The following DLGAP2 variants were observed in gnomAD, a reference collection of about 807,000 sequenced individuals.
DLGAP2 encodes the protein DLG associated protein 2.
DLGAP2 carries 26 observed loss-of-function variants against 100.3 expected under a neutral mutation model. The ratio of observed to expected loss-of-function variants is 0.26; its 90% CI spans 0.19 to 0.36. The LOEUF (loss-of-function observed/expected upper bound fraction) is 0.36. DLGAP2 is among the 10% of genes least tolerant of loss of function. The pLI, the probability that DLGAP2 is intolerant of heterozygous loss-of-function variation, is 1.00. For missense variants in DLGAP2, 1,858 were observed against 1,453.2 expected, an observed-to-expected ratio of 1.28 and a Z score of -4.53; for synonymous variants, 886 against 630.1, an observed-to-expected ratio of 1.41 and a Z score of -6.08.
intron 1 of DLGAP2, among the ~76,000 whole-genome samples, chr8:794,341 A>G (rs530342934): frequency 6.6e-6 from 1 of 152,172 alleles, no homozygotes; most frequent in Non-Finnish European, 1.5e-5. Context: ...ACACAGAAAT[A>G]TAGAGGTGTG....
In DLGAP2 at chr8:989,036, A is replaced by G. The variant is rs531413700; in HGVS notation, c.73+81070A>G. ...TCCCTGGACCTTGTCTCTGCTGTCG[A>G]GGGCTCTCCAGGTTGGCCAGGAGAC... On this transcript the variant is annotated intron_variant, in intron 2 of 14. Transcript: ENST00000637795. Among the ~76,000 whole-genome samples, 5 of 152,148 alleles carry G rather than the reference A, an allele frequency of 3.3e-5. No homozygotes were observed. In the South Asian group the frequency reaches 1.0e-3, roughly 32 times the overall value.
At chr8:1,174,833 C>G (rs890762729) in intron 2 of DLGAP2, among the ~76,000 whole-genome samples, 2 of 152,096 alleles carry the variant, frequency 1.3e-5, no homozygotes, top group Non-Finnish European at 2.9e-5. Context: ...ACTATAGCAG[C>G]TGAGTTCTGT....
intron 3 of DLGAP2, among the ~76,000 whole-genome samples, chr8:1,468,214 G>A (rs1301673911): frequency 1.3e-5 from 2 of 152,146 alleles, no homozygotes; most frequent in Non-Finnish European, 2.9e-5. Context: ...GGCTGGCCCT[G>A]TGTCCTCTGC....
intron 1 of DLGAP2, among the ~76,000 whole-genome samples, chr8:867,045 G>A (rs927082161): frequency 2.0e-5 from 3 of 152,186 alleles, no homozygotes; most frequent in African/African-American, 7.2e-5. Context: ...GGTTTCCGCC[G>A]TTCTGTGCTG....
chr8:1,211,090 GT>G (rs1798094172), intron 2 of DLGAP2, among the ~76,000 whole-genome samples: 1 of 152,250 alleles, frequency 6.6e-6, no homozygotes, highest in Non-Finnish European at 1.5e-5. Flanking sequence ...AGGATGAGCT[GT>G]GGTTTGAGGA....
At chr8:1,130,829 A>C (rs1421727383) in intron 2 of DLGAP2, among the ~76,000 whole-genome samples, 3 of 140,448 alleles carry the variant, frequency 2.1e-5, no homozygotes, top group Non-Finnish European at 3.2e-5. Context: ...GAGAGACCGG[A>C]GATGGGCCTC....
At chr8:1,370,113 C>T (rs1227616141) in intron 3 of DLGAP2, among the ~76,000 whole-genome samples, 5 of 152,120 alleles carry the variant, frequency 3.3e-5, no homozygotes, top group Non-Finnish European at 4.4e-5. Context: ...CACAGGTCTT[C>T]GGATATTTAT....
intron 3 of DLGAP2, among the ~76,000 whole-genome samples, chr8:1,274,630 T>C (rs1173482299): frequency 6.6e-6 from 1 of 151,418 alleles, no homozygotes; most frequent in Non-Finnish European, 1.5e-5. Flanking sequence ...TGGATTTGTT[T>C]TAGAACATAA....
rs188760015 is a variant in DLGAP2, at chr8:1,192,927, G to C, written c.74-65924G>C. ...TATGAGTGAGAACATGCGGTGTTTG[G>C]TTTTTTGTCCTTGTGATAGTTTGCT... On this transcript the variant is annotated intron_variant, in intron 2 of 14. Coordinates refer to ENST00000637795, the MANE Select transcript of DLGAP2 (RefSeq NM_001346810.2). Among the ~76,000 whole-genome samples the C allele has an allele frequency of 2.0e-4, 31 of 152,032 alleles. No individual in the cohort carries two copies. The East Asian group carries it at 2.3e-3, about 11-fold the overall frequency.
intron 3 of DLGAP2, chr8:1,368,681 T>C (rs912151305): frequency 5.3e-5 from 8 of 152,240 alleles, no homozygotes; most frequent in African/African-American, 1.9e-4. Context: ...TTTTTATTTT[T>C]GGCATAAAGC....
chr8:1,510,074 A>T (rs1800107138), intron 4 of DLGAP2, among the ~76,000 whole-genome samples: 1 of 152,246 alleles, frequency 6.6e-6, no homozygotes, highest in Admixed American at 6.5e-5. Context: ...GTAATTTTAG[A>T]TTCTGAAGAG....
At chr8:1,350,484 CGCGCGG>C (rs1801691040) in intron 3 of DLGAP2, among the ~76,000 whole-genome samples, 1 of 93,836 alleles carries the variant, frequency 1.1e-5, no homozygotes, top group African/African-American at 4.5e-5. Context: ...GTGGAAAGGC[CGCGCGG>C]GTCCTGACTG....
At chr8:1,549,871 AT>A (rs1486014186) in intron 5 of DLGAP2, among the ~76,000 whole-genome samples, 188 bp downstream of exon 5, 2 of 152,166 alleles carry the variant, frequency 1.3e-5, no homozygotes, top group Non-Finnish European at 2.9e-5. Context: ...TACATACGTA[AT>A]TTTTTTGGTG....
intron 1 of DLGAP2, among the ~76,000 whole-genome samples, chr8:858,512 GTGCTGTCACCGTGGGCACGTGTAA>G (rs1797325237): frequency 6.7e-6 from 1 of 149,380 alleles, no homozygotes; most frequent in African/African-American, 2.5e-5. Flanking sequence ...CACATGTGTG[GTGCTGTCACCGTGGGCACGTGTAA>G]TGCTGTCACC....
chr8:1,287,247 G>T (rs1799944990), intron 3 of DLGAP2, among the ~76,000 whole-genome samples: 1 of 124,874 alleles, frequency 8.0e-6, no homozygotes, highest in Admixed American at 9.0e-5. Flanking sequence ...GTTAGGAGGG[G>T]AACTAGTTTT....
At chr8:1,599,290 G>C (rs543392257) in intron 6 of DLGAP2, among the ~76,000 whole-genome samples, 1 of 152,276 alleles carries the variant, frequency 6.6e-6, no homozygotes, top group South Asian at 2.1e-4. Context: ...CAATTATGTG[G>C]TCAGTTTTGG....
At chr8:1,309,786 C>CA (rs1800571214) in intron 3 of DLGAP2, among the ~76,000 whole-genome samples, 1 of 152,192 alleles carries the variant, frequency 6.6e-6, no homozygotes, top group Non-Finnish European at 1.5e-5. Context: ...ACCGTGCACT[C>CA]AATGTGTAAA....
rs186764002 is a variant in DLGAP2 at position 840,418 on chromosome 8, C to T, written c.19-67494C>T. ...TCTGCGAGCGCGTCCACATGGTGCA[C>T]GCCTGCACTTTTCCCCACACTCTGG... On this transcript the variant is annotated intron_variant, in intron 1 of 14. Transcript: ENST00000637795. Among the ~76,000 whole-genome samples the T allele has an allele frequency of 2.3e-3, 292 of 129,016 alleles. 15 individuals are homozygous for T. The highest frequency in any genetic ancestry group is 1.4e-3 in the Non-Finnish European group (85 of 61,570). The allele number at this position is 129,016 out of a possible 152,430, so 84.6% of individuals were successfully genotyped here. A position where few individuals can be genotyped will look rare whatever the true frequency, so the allele number is the denominator to read the frequency against.
At chr8:1,650,753 A>G (rs559034001) in intron 8 of DLGAP2, among the ~76,000 whole-genome samples, 1 of 149,384 alleles carries the variant, frequency 6.7e-6, no homozygotes, top group Non-Finnish European at 1.5e-5. Flanking sequence ...GGAGGAGAGT[A>G]GACACAGAAG....
Sources: gnomAD v4.1 joint callset for allele counts (sites outside exome capture counted in the v4.1 genomes callset) on GRCh38, gnomAD v4.1.1 for gene constraint, MANE v1.5 for transcripts, NCBI Gene and HGNC (gene_info 2026-07-23, HGNC 2026-07-21) for gene names.